Variants in SDK1 observed in about 807,000 individuals in gnomAD.
SDK1 encodes protein sidekick-1.
In SDK1, 157 loss-of-function variants were observed where a neutral mutation model predicts 245.5. That is an observed-to-expected ratio of 0.64 (90% CI 0.56 to 0.73). The LOEUF (loss-of-function observed/expected upper bound fraction) is 0.73, where lower values mean the gene tolerates loss of function less well. Among genes scored for constraint, SDK1 ranks in the 30% least tolerant of loss-of-function variants. SDK1 has a pLI of 0.00. For synonymous variants in SDK1, 1,647 were observed against 1,278.5 expected, an observed-to-expected ratio of 1.29 and a Z score of -6.15; for missense variants, 3,583 against 3,002.3, an observed-to-expected ratio of 1.19 and a Z score of -4.52.
intron 20 of SDK1, among the ~76,000 whole-genome samples, chr7:4,076,559 G>GATGC (rs5882011): frequency 6.6e-6 from 1 of 151,704 alleles, no homozygotes; most frequent in Non-Finnish European, 1.5e-5. Context: ...TAAATAGATA[G>GATGC]ATACATACAT....
intron 5 of SDK1, among the ~76,000 whole-genome samples, chr7:3,928,424 G>A (rs550338766): frequency 2.0e-5 from 3 of 152,156 alleles, no homozygotes; most frequent in East Asian, 1.9e-4. Context: ...TTATCTACAC[G>A]TACAAATATT....
rs571621251 is a variant in SDK1 at position 4,210,739 on chromosome 7, A to G, written c.5539+577A>G. Among the ~76,000 whole-genome samples the G allele has an allele frequency of 3.3e-3, 496 of 152,344 alleles. 2 individuals are homozygous for G. The highest frequency in any genetic ancestry group is 5.3e-3 in the Non-Finnish European group (362 of 68,036). On this transcript the variant is annotated intron_variant, in intron 38 of 44. Coordinates refer to ENST00000404826, the MANE Select transcript of SDK1 (RefSeq NM_152744.4). ...GAATCGAGGACCTGGGAAAGCCAGG[A>G]TTTTGACTGGCTTGTTTATCAGGTC...
chr7:3,957,232 T>G (rs1380440825), intron 7 of SDK1, among the ~76,000 whole-genome samples: 1 of 152,208 alleles, frequency 6.6e-6, no homozygotes, highest in Non-Finnish European at 1.5e-5. Context: ...CACGTGGACC[T>G]ACACACGTAA....
intron 5 of SDK1, among the ~76,000 whole-genome samples, chr7:3,890,664 G>A (rs887220998): frequency 7.9e-5 from 12 of 151,950 alleles, no homozygotes; most frequent in Admixed American, 3.3e-4. Flanking sequence ...AAAAAGTAGC[G>A]GGTGTGGTAG....
intron 17 of SDK1, among the ~76,000 whole-genome samples, chr7:4,024,484 T>C (rs1008187443): frequency 1.3e-5 from 2 of 152,198 alleles, no homozygotes; most frequent in African/African-American, 2.4e-5. Flanking sequence ...AAAATAGATA[T>C]GGAATATTCC....
intron 4 of SDK1, among the ~76,000 whole-genome samples, chr7:3,788,951 C>T (rs180670711): frequency 5.1e-4 from 78 of 152,266 alleles, no homozygotes; most frequent in Non-Finnish European, 8.4e-4. Flanking sequence ...GAACTGTTTA[C>T]GGGGGCTCCC....
rs528473117 is a variant in SDK1, at chr7:3,645,962, G to A, written c.713+3857G>A. ...CAACCTCTGCCTCCCGAGGTCAAGCGATGTTCCTACCTCAGCCTCCTGAGT... is the reference window on the plus strand; with the variant it reads ...CAACCTCTGCCTCCCGAGGTCAAGCAATGTTCCTACCTCAGCCTCCTGAGT... On this transcript the variant is annotated intron_variant, in intron 4 of 44. Transcript: ENST00000404826. Among the ~76,000 whole-genome samples, 9 of 152,088 alleles carry A rather than the reference G, an allele frequency of 5.9e-5. 1 individual carries two copies. The Middle Eastern group carries it at 0.014, about 230-fold the overall frequency.
rs558060484 is a variant in SDK1 at position 3,859,542 on chromosome 7, G to A, written c.847+37959G>A. On this transcript the variant is annotated intron_variant, in intron 5 of 44. Transcript: ENST00000404826. ...CTGTCTTTCTGCTCTACCATTCTCA[G>A]CATTGGCTTCATCCCAAACCAAGAT... is the stretch of plus-strand genomic sequence containing the variant. Among the ~76,000 whole-genome samples, 6 of 152,180 alleles carry A rather than the reference G, an allele frequency of 3.9e-5. No individual in the cohort carries two copies. In the South Asian group the frequency reaches 1.0e-3, roughly 26 times the overall value.
chr7:3,642,693 T>A (rs1666091679), intron 4 of SDK1: 1 of 152,250 alleles, frequency 6.6e-6, no homozygotes, highest in Non-Finnish European at 1.5e-5. Flanking sequence ...TATCTCACAT[T>A]CAAGATATTT....
At chr7:3,482,573 C>G (rs1038695354) in intron 1 of SDK1, among the ~76,000 whole-genome samples, 6 of 152,204 alleles carry the variant, frequency 3.9e-5, no homozygotes, top group Non-Finnish European at 8.8e-5. Flanking sequence ...GCAAGGAAAG[C>G]GCTTCTCTGA....
chr7:3,823,907 C>T (rs888928316), intron 5 of SDK1, among the ~76,000 whole-genome samples: 3 of 151,014 alleles, frequency 2.0e-5, no homozygotes, highest in South Asian at 2.1e-4. Flanking sequence ...ACGGGATTTA[C>T]GTAAATGTTA....
intron 5 of SDK1, among the ~76,000 whole-genome samples, chr7:3,825,252 T>G (rs986403665): frequency 1.1e-4 from 17 of 151,484 alleles, no homozygotes; most frequent in Non-Finnish European, 1.6e-4. Context: ...AGATTTTACG[T>G]TGAGTTAACC....
At chr7:3,926,940 A>C (rs1214952644) in intron 5 of SDK1, among the ~76,000 whole-genome samples, 2 of 152,222 alleles carry the variant, frequency 1.3e-5, no homozygotes, top group Non-Finnish European at 2.9e-5. Flanking sequence ...ATGGGACATG[A>C]ACTTAATAAA....
intron 40 of SDK1, among the ~76,000 whole-genome samples, chr7:4,224,038 G>A (rs1340624282): frequency 1.3e-5 from 2 of 152,070 alleles, no homozygotes; most frequent in Non-Finnish European, 2.9e-5. Flanking sequence ...GTCTTCCAAG[G>A]AACCACGTCG....
chr7:3,818,952 C>A (rs368007238), intron 4 of SDK1, among the ~76,000 whole-genome samples: 1 of 152,162 alleles, frequency 6.6e-6, no homozygotes, highest in African/African-American at 2.4e-5. Context: ...GTTGCCACGA[C>A]AAAATCAGGG....
chr7:3,921,789 G>A (rs1283975706), intron 5 of SDK1, among the ~76,000 whole-genome samples: 1 of 151,858 alleles, frequency 6.6e-6, no homozygotes, highest in East Asian at 1.9e-4. Context: ...AATATTACCA[G>A]ACCCCATCTC....
intron 4 of SDK1, among the ~76,000 whole-genome samples, chr7:3,797,362 C>G (rs959527658): frequency 4.2e-4 from 63 of 151,792 alleles, no homozygotes; most frequent in African/African-American, 1.4e-3. Context: ...TTCTCTTTCC[C>G]TCCACATATA....
At chr7:4,177,686 A>G (rs1028916259) in intron 34 of SDK1, among the ~76,000 whole-genome samples, 6 of 152,258 alleles carry the variant, frequency 3.9e-5, no homozygotes, top group Non-Finnish European at 8.8e-5. Context: ...CAATTTTTCC[A>G]TAGACCAGGT....
At chr7:3,897,880 A>G (rs1294415834) in intron 5 of SDK1, among the ~76,000 whole-genome samples, 1 of 151,078 alleles carries the variant, frequency 6.6e-6, no homozygotes, top group South Asian at 2.1e-4. Flanking sequence ...CCCTTTTCTT[A>G]TCTTTTCTCT....
Sources: allele counts gnomAD v4.1 joint callset (sites outside exome capture counted in the v4.1 genomes callset), GRCh38; gene constraint gnomAD v4.1.1; transcripts MANE v1.5; gene names NCBI Gene and HGNC (gene_info 2026-07-23, HGNC 2026-07-21).